PLEC: variants seen among roughly 807,000 people sequenced by gnomAD.
PLEC encodes plectin.
Under a neutral mutation model 392.8 loss-of-function variants are expected in PLEC, and 216 were observed. That is an observed-to-expected ratio of 0.55 (90% confidence interval 0.49 to 0.62). The LOEUF (loss-of-function observed/expected upper bound fraction) is 0.62, where lower values mean the gene tolerates loss of function less well. Ranked by LOEUF, PLEC falls within the 20% of genes least tolerant of loss-of-function variation. The pLI, the probability that PLEC is intolerant of heterozygous loss-of-function variation, is 0.00. For missense variants in PLEC, 6,863 were observed against 6,563.4 expected (o/e 1.05, Z -1.58); for synonymous variants, 3,621 against 2,980.6 (o/e 1.21, Z -7.00).
In PLEC at chr8:143,921,491, T is replaced by C. The variant is rs782438697; in HGVS notation, c.8330A>G (p.Tyr2777Cys). 1 of 1,612,960 alleles carries C rather than the reference T, an allele frequency of 6.2e-7. No homozygotes were observed. Among genetic ancestry groups the C allele is most frequent in the Non-Finnish European group, 8.5e-7 (1 of 1,179,812 alleles). ...CTGCTGGCCAGTGTAGGGGTCCTTG[T>C]AGCCAGTGACGGCGCGCTCGGCCGA... is the stretch of plus-strand genomic sequence containing the variant. ...LLSAERAVTGYKDPYTGQQIS... is the reference protein window; with the variant it reads ...LLSAERAVTGCKDPYTGQQIS... The change falls in exon 32 of 32, where the codon TAC becomes TGC. Residue 2777 changes from tyrosine (Y) to cysteine (C), a missense_variant. Coordinates refer to ENST00000345136, the MANE Select transcript of PLEC (RefSeq NM_201384.3).
At chr8:143,952,673 C>T (rs1832310850), upstream of PLEC, among the ~76,000 whole-genome samples, 1 of 152,086 alleles carries the variant, frequency 6.6e-6, no homozygotes, top group African/African-American at 2.4e-5. Context: ...CCCACGATAC[C>T]CACACTGTCC....
chr8:143,927,633 C>T lies in PLEC; in HGVS notation c.3533G>A (p.Arg1178Gln), dbSNP rs782590380. 7.0e-5 allele frequency: 111 copies of T among 1,586,354 alleles called. No homozygotes were observed. The African/African-American group carries it at 1.2e-3, about 17-fold the overall frequency. Residue 1178 changes from arginine (R) to glutamine (Q), a missense_variant, in exon 27 of 32, where the codon CGG becomes CAG. Arg to Gln is a conservative substitution (Grantham distance 43). Coordinates refer to ENST00000345136, the MANE Select transcript of PLEC (RefSeq NM_201384.3). ...GERDVEVERW[R>Q]ERVAQLLERW... ...CTCAAGCAACTGGGCGACCCGCTCC[C>T]GCCAGCGCTCCACCTCCACGTCCCG...
chr8:143,944,059 C>G, upstream of PLEC: 1 of 915,082 alleles, frequency 1.1e-6, no homozygotes, highest in Non-Finnish European at 1.6e-6. Context: ...ACAACAGCTC[C>G]CGCCCGCCTC....
intron 17 of PLEC, 30 bp from the exon 18 acceptor site, chr8:143,932,062 C>A (rs931358705): frequency 1.3e-6 from 2 of 1,551,698 alleles, no homozygotes; most frequent in Non-Finnish European, 8.7e-7. Flanking sequence ...GGTCAGGCCC[C>A]GCCCCGCCCC....
chr8:143,923,481 C>A lies in PLEC; in HGVS notation c.6448G>T (p.Ala2150Ser). ...CGCAGGGCCGCCTGCTCCGCCTGTG[C>A]CCGCCGCGCCGCCTCTTGCTCGGCC... ...KEAEQEAARR[A>S]QAEQAALRQK... is the part of the protein sequence containing the mutation. Residue 2150 changes from alanine (A) to serine (S), a missense_variant, in exon 31 of 32, where the codon GCA becomes TCA. Ala to Ser is a moderately conservative substitution (Grantham distance 99). Coordinates refer to ENST00000345136, the MANE Select transcript of PLEC (RefSeq NM_201384.3). The A allele has an allele frequency of 6.2e-7, 1 of 1,601,312 alleles. No homozygotes were observed. The highest frequency in any genetic ancestry group is 8.5e-7 in the Non-Finnish European group (1 of 1,175,578).
At chr8:143,970,686 G>A (rs1833380225) in intron 1 of PLEC, among the ~76,000 whole-genome samples, 1 of 151,944 alleles carries the variant, frequency 6.6e-6, no homozygotes. Flanking sequence ...TTTCAGTTAT[G>A]GACTGGCCGC....
chr8:143,930,287 G>T lies in PLEC; in HGVS notation c.2469C>A (p.His823Gln). ...CDYKQVEVTV[H>Q]KGDECQLVGP... Reference sequence around the variant, plus strand: ...CCACCAGCTGGCACTCGTCACCCTTGTGCACAGTCACCTGGGACGGGCAGA... The same window carrying T: ...CCACCAGCTGGCACTCGTCACCCTTTTGCACAGTCACCTGGGACGGGCAGA... The change falls in exon 21 of 32, where the codon CAC becomes CAA. Residue 823 changes from histidine (H) to glutamine (Q), a missense_variant. By Grantham distance (24) the His-to-Gln change is conservative. Coordinates refer to ENST00000345136, the MANE Select transcript of PLEC (RefSeq NM_201384.3). 1 of 1,603,150 alleles carries T rather than the reference G, an allele frequency of 6.2e-7. No homozygotes were observed. The highest frequency in any genetic ancestry group is 1.1e-5 in the South Asian group (1 of 90,282).
chr8:143,930,472 G>A lies in PLEC; in HGVS notation c.2369C>T (p.Ala790Val). ...GTGGCGGGGCTTCAGCTGCACGACG[G>A]CCTTGGCCCGCTTGGCCAGGCCTGA... Reference protein sequence around the residue: ...HLSGLAKRAKAVVQLKPRHPA... With the variant: ...HLSGLAKRAKVVVQLKPRHPA... The change falls in exon 20 of 32, where the codon GCC becomes GTC. Residue 790 changes from alanine to valine, a missense_variant. Physicochemically the swap from Ala to Val is moderately conservative, Grantham distance 64. Coordinates refer to ENST00000345136, the MANE Select transcript of PLEC (RefSeq NM_201384.3). 1 of 1,591,100 alleles carries A rather than the reference G, an allele frequency of 6.3e-7. No individual in the cohort carries two copies. Among genetic ancestry groups the A allele is most frequent in the African/African-American group, 1.3e-5 (1 of 74,514 alleles).
Position 143,929,226 on chromosome 8 carries a change from T to G in PLEC, c.3137A>C (p.Glu1046Ala). 2 of 1,602,932 alleles carry G rather than the reference T, an allele frequency of 1.2e-6. No homozygotes were observed. Among genetic ancestry groups the G allele is most frequent in the South Asian group, 2.2e-5 (2 of 90,360 alleles). ...TGGTAGGGCCAAGACCTTCTCGGCC[T>G]CGGCAGAGAGCCGGGCGACCCCCTT... ...LGKGVARLSA[E>A]AEKVLALPEP... Residue 1046 changes from glutamate (E) to alanine (A), a missense_variant, in exon 25 of 32, where the codon GAG (glutamate) becomes GCG (alanine). Coordinates refer to ENST00000345136, the MANE Select transcript of PLEC (RefSeq NM_201384.3).
At chr8:143,943,985 G>A, upstream of PLEC, 5 of 1,534,692 alleles carry the variant, frequency 3.3e-6, no homozygotes, top group South Asian at 5.9e-5. Context: ...GGGCGAGCGA[G>A]GGGGAGCGCC....
intron 3 of PLEC, 112 bp from the exon 4 acceptor site, chr8:143,937,354 G>C: frequency 1.3e-6 from 1 of 784,648 alleles, no homozygotes; most frequent in East Asian, 2.6e-5. Context: ...CCAGGGGGCA[G>C]CAGCCCCTCA....
chr8:143,920,271 G>C lies in PLEC; in HGVS notation c.9550C>G (p.Pro3184Ala), dbSNP rs782221033. Residue 3184 changes from proline to alanine, a missense_variant, in exon 32 of 32, where the codon CCC becomes GCC. Physicochemically the swap from Pro to Ala is conservative, Grantham distance 27. Coordinates refer to ENST00000345136, the MANE Select transcript of PLEC (RefSeq NM_201384.3). ...PRADAKAYSD[P>A]STGEPATYGE... ...TAGGTGGCCGGCTCCCCTGTGCTGG[G>C]GTCACTGTAGGCCTTGGCGTCGGCC... 5.6e-6 allele frequency: 9 copies of C among 1,595,944 alleles called. No homozygotes were observed. The African/African-American group carries it at 6.7e-5, about 12-fold the overall frequency.
chr8:143,937,076 G>C lies in PLEC; in HGVS notation c.343-5C>G, dbSNP rs782804457. The stretch of plus-strand genomic sequence containing the variant: ...CCTGATGTTCACCAGCTTCACCTGT[G>C]AGCGAGGGGCTCTCGGTCACGGCCC... On this transcript the variant is annotated splice_region_variant and splice_polypyrimidine_tract_variant and intron_variant, in intron 4 of 31. Transcript: ENST00000345136. 3.1e-6 allele frequency: 5 copies of C among 1,612,288 alleles called. No individual in the cohort carries two copies. The Admixed American group carries it at 8.3e-5, about 27-fold the overall frequency.
In PLEC at chr8:143,916,593, C is replaced by T. The variant is rs782001877; in HGVS notation, c.13228G>A (p.Glu4410Lys). ...TCCACCGTGCCGCGCTGCAGGGCCTCGTCCAGGGGCACGCGGCCCGGCGTG... is the reference window on the plus strand; with the variant it reads ...TCCACCGTGCCGCGCTGCAGGGCCTTGTCCAGGGGCACGCGGCCCGGCGTG... ...PDTPGRVPLD[E>K]ALQRGTVDAR... Residue 4410 changes from glutamate (E) to lysine (K), a missense_variant, in exon 32 of 32, where the codon GAG becomes AAG. Coordinates refer to ENST00000345136, the MANE Select transcript of PLEC (RefSeq NM_201384.3). 26 of 1,610,408 alleles carry T rather than the reference C, an allele frequency of 1.6e-5. No individual in the cohort carries two copies. The highest frequency in any genetic ancestry group is 3.3e-5 in the South Asian group (3 of 91,012).
intron 11 of PLEC, 72 bp from the exon 12 acceptor site, chr8:143,934,163 G>C (rs972213072): frequency 2.5e-6 from 4 of 1,585,578 alleles, no homozygotes; most frequent in Non-Finnish European, 3.5e-6. Flanking sequence ...ACTGCAGCTC[G>C]CCTCCCGCTC....
intron 16 of PLEC, 37 bp downstream of exon 16, chr8:143,932,363 G>A: frequency 1.2e-6 from 2 of 1,611,206 alleles, no homozygotes; most frequent in Non-Finnish European, 1.7e-6. Flanking sequence ...GCTGGGGAGG[G>A]GGCTGTGGGG....
chr8:143,947,390 A>G (rs1218131033), intron 1 of PLEC, among the ~76,000 whole-genome samples: 1 of 152,250 alleles, frequency 6.6e-6, no homozygotes, highest in Non-Finnish European at 1.5e-5. Context: ...GACAGCGCTC[A>G]GCTGGCGTCT....
At chr8:143,940,256 C>G (rs12541377), upstream of PLEC, among the ~76,000 whole-genome samples, 44,284 of 152,196 alleles carry the variant, frequency 0.29, 7,747 homozygotes, top group Non-Finnish European at 0.39. Flanking sequence ...GCCCACCCTG[C>G]CCCAGGCAGA....
upstream of PLEC, chr8:143,953,689 C>G (rs1832421920): frequency 6.3e-7 from 1 of 1,598,734 alleles, no homozygotes; most frequent in East Asian, 2.3e-5. Flanking sequence ...CTGTGTGGTC[C>G]GCGCCCCCCG....
Sources: gnomAD v4.1 joint callset for allele counts (sites outside exome capture counted in the v4.1 genomes callset) on GRCh38, gnomAD v4.1.1 for gene constraint, MANE v1.5 for transcripts, NCBI Gene and HGNC (gene_info 2026-07-23, HGNC 2026-07-21) for gene names.